LRRC4C: variants seen among roughly 807,000 people sequenced by gnomAD.
LRRC4C encodes leucine rich repeat containing 4C.
LRRC4C carries 5 observed loss-of-function variants against 33.6 expected under a neutral mutation model. That is an observed-to-expected ratio of 0.15 (90% CI 0.08 to 0.31). LRRC4C has a LOEUF of 0.31. Ranked by LOEUF, LRRC4C falls within the 10% of genes least tolerant of loss-of-function variation. The pLI, the probability that LRRC4C is intolerant of heterozygous loss-of-function variation, is 1.00. For synonymous variants in LRRC4C, 329 were observed against 302.0 expected (o/e 1.09, Z -0.93); for missense variants, 560 against 796.7 (o/e 0.70, Z 3.58).
chr11:40,913,840 A>G (rs1956810668), intron 2 of LRRC4C, among the ~76,000 whole-genome samples: 1 of 152,144 alleles, frequency 6.6e-6, no homozygotes, highest in Non-Finnish European at 1.5e-5. Context: ...AATCAAATAG[A>G]CGCAATAAAA....
chr11:40,260,579 C>A (rs974741251), intron 4 of LRRC4C, among the ~76,000 whole-genome samples: 1 of 152,076 alleles, frequency 6.6e-6, no homozygotes, highest in Middle Eastern at 3.4e-3. Flanking sequence ...AAATACCCAT[C>A]CCTCAAAAAT....
At chr11:41,077,028 T>C (rs929705842) in intron 1 of LRRC4C, among the ~76,000 whole-genome samples, 7 of 152,164 alleles carry the variant, frequency 4.6e-5, no homozygotes, top group Admixed American at 4.6e-4. Context: ...TAATCTCCTT[T>C]GATTCCATGT....
chr11:40,991,606 G>A (rs1479187543), intron 1 of LRRC4C, among the ~76,000 whole-genome samples: 5 of 152,184 alleles, frequency 3.3e-5, no homozygotes, highest in African/African-American at 1.2e-4. Flanking sequence ...TGTAGAATCA[G>A]TGGGAGCCCT....
At chr11:40,952,032 A>AT (rs112835154) in intron 1 of LRRC4C, among the ~76,000 whole-genome samples, 3,006 of 150,032 alleles carry the variant, frequency 0.02, 60 homozygotes, top group Admixed American at 0.051. Flanking sequence ...GAAATATTAG[A>AT]TTTTTTTTTT....
intron 1 of LRRC4C, among the ~76,000 whole-genome samples, chr11:41,247,292 A>T (rs1016290636): frequency 6.6e-6 from 1 of 152,198 alleles, no homozygotes; most frequent in African/African-American, 2.4e-5. Flanking sequence ...CAGGCTGTCC[A>T]CAAGCCTCTC....
intron 3 of LRRC4C, among the ~76,000 whole-genome samples, chr11:40,434,789 T>A (rs1353016725): frequency 6.6e-6 from 1 of 152,168 alleles, no homozygotes; most frequent in Non-Finnish European, 1.5e-5. Flanking sequence ...AGTATCATAT[T>A]TGATTTAAAT....
intron 3 of LRRC4C, among the ~76,000 whole-genome samples, chr11:40,395,580 G>T (rs1370961341): frequency 6.6e-6 from 1 of 152,132 alleles, no homozygotes; most frequent in African/African-American, 2.4e-5. Context: ...TAGGTATACA[G>T]ACTTGAAGAT....
intron 4 of LRRC4C, among the ~76,000 whole-genome samples, chr11:40,260,239 T>A: frequency 8.0e-6 from 1 of 124,948 alleles, no homozygotes; most frequent in Non-Finnish European, 1.7e-5. Flanking sequence ...AAATGATGAG[T>A]TCATGTCCTT....
intron 5 of LRRC4C, among the ~76,000 whole-genome samples, chr11:40,159,685 G>A (rs772045967): frequency 1.8e-4 from 27 of 152,008 alleles, no homozygotes; most frequent in Non-Finnish European, 2.5e-4. Flanking sequence ...AATCACTTCC[G>A]TACAAATACT....
intron 1 of LRRC4C, among the ~76,000 whole-genome samples, chr11:40,984,181 AAGGAAGGAAGGAAGGT>A (rs1476607297): frequency 6.7e-6 from 1 of 150,372 alleles, no homozygotes; most frequent in Non-Finnish European, 1.5e-5. Context: ...AAAGGAAGGA[AAGGAAGGAAGGAAGGT>A]AGGAAGGAAG....
intron 3 of LRRC4C, among the ~76,000 whole-genome samples, chr11:40,376,117 G>A (rs944432258): frequency 1.3e-5 from 2 of 152,094 alleles, no homozygotes; most frequent in Admixed American, 1.3e-4. Context: ...TATAATATGA[G>A]TAAGTTTTAT....
chr11:40,819,796 T>C (rs908447430), intron 2 of LRRC4C, among the ~76,000 whole-genome samples: 1 of 150,434 alleles, frequency 6.6e-6, no homozygotes, highest in Non-Finnish European at 1.5e-5. Context: ...TGTTCTGAGA[T>C]GGTTAAGCAT....
intron 2 of LRRC4C, among the ~76,000 whole-genome samples, chr11:40,747,017 A>T (rs1948460854): frequency 6.6e-6 from 1 of 152,150 alleles, no homozygotes; most frequent in Non-Finnish European, 1.5e-5. Context: ...TTGGCATCTG[A>T]ATAAGCCACC....
At chr11:40,734,790 G>T (rs11036049) in intron 2 of LRRC4C, among the ~76,000 whole-genome samples, 39,036 of 151,944 alleles carry the variant, frequency 0.26, 5,464 homozygotes, top group African/African-American at 0.35. Flanking sequence ...TTGGTGTCAA[G>T]GTAACGGAAT....
chr11:41,400,014 ACT>A (rs1349123902), intron 1 of LRRC4C, among the ~76,000 whole-genome samples: 1 of 151,932 alleles, frequency 6.6e-6, no homozygotes. Flanking sequence ...GTGAAGAAGA[ACT>A]CAGTGCTTGT....
chr11:41,257,964 G>C (rs1234646343), intron 1 of LRRC4C, among the ~76,000 whole-genome samples: 1 of 151,720 alleles, frequency 6.6e-6, no homozygotes, highest in East Asian at 1.9e-4. Context: ...TGGTGTGTTT[G>C]CGTGCTTAAA....
intron 3 of LRRC4C, among the ~76,000 whole-genome samples, chr11:40,471,880 C>G (rs1288681972): frequency 6.6e-6 from 1 of 152,138 alleles, no homozygotes; most frequent in Non-Finnish European, 1.5e-5. Context: ...AGCACCACAT[C>G]GCACTTATTC....
At chr11:40,433,752 A>T (rs1951030574) in intron 3 of LRRC4C, among the ~76,000 whole-genome samples, 1 of 152,184 alleles carries the variant, frequency 6.6e-6, no homozygotes, top group Non-Finnish European at 1.5e-5. Flanking sequence ...GTGTAAAAGG[A>T]AGTAGTCCAA....
intron 3 of LRRC4C, among the ~76,000 whole-genome samples, chr11:40,594,533 T>C (rs1263953174): frequency 1.3e-5 from 2 of 152,226 alleles, no homozygotes; most frequent in East Asian, 3.9e-4. Context: ...TGCTGATCTA[T>C]TATGTGGTTG....
Sources: gnomAD v4.1 joint callset for allele counts (sites outside exome capture counted in the v4.1 genomes callset) on GRCh38, gnomAD v4.1.1 for gene constraint, MANE v1.5 for transcripts, NCBI Gene and HGNC (gene_info 2026-07-23, HGNC 2026-07-21) for gene names.